The following CDH23 variants were observed in gnomAD, a reference collection of about 807,000 sequenced individuals.
The protein encoded by CDH23 is cadherin-23.
CDH23 carries 189 observed loss-of-function variants against 317.1 expected under a neutral mutation model. That is an observed-to-expected ratio of 0.60 (90% CI 0.53 to 0.67). The LOEUF (loss-of-function observed/expected upper bound fraction) is 0.67. Among genes scored for constraint, CDH23 ranks in the 30% least tolerant of loss-of-function variants. The pLI, the probability that CDH23 is intolerant of heterozygous loss-of-function variation, is 0.00. For synonymous variants in CDH23, 1,839 were observed against 1,876.8 expected (o/e 0.98, Z 0.52); for missense variants, 4,401 against 4,592.4 (o/e 0.96, Z 1.20).
chr10:71,628,251 C>T (rs981878479), intron 11 of CDH23, among the ~76,000 whole-genome samples: 2 of 152,248 alleles, frequency 1.3e-5, no homozygotes, highest in African/African-American at 2.4e-5. Flanking sequence ...CAGAAGCCTC[C>T]TTCCCAGCCC....
chr10:71,453,650 G>A (rs963239810), intron 3 of CDH23, among the ~76,000 whole-genome samples: 4 of 152,234 alleles, frequency 2.6e-5, no homozygotes, highest in African/African-American at 9.6e-5. Flanking sequence ...AAGAGGAGAA[G>A]CATCTCTTGG....
chr10:71,715,988 C>G (rs765946262), intron 28 of CDH23: 2 of 1,493,846 alleles, frequency 1.3e-6, no homozygotes, highest in Admixed American at 4.9e-5. Context: ...GTCCTCGGGG[C>G]CCGGCAGGGG....
intron 6 of CDH23, among the ~76,000 whole-genome samples, chr10:71,540,657 T>A (rs1231760206): frequency 6.6e-6 from 1 of 151,762 alleles, no homozygotes; most frequent in Non-Finnish European, 1.5e-5. Flanking sequence ...CAGGAAGGAG[T>A]CTCCACCTAC....
At chr10:71,526,419 T>C (rs1368483915) in intron 6 of CDH23, among the ~76,000 whole-genome samples, 1 of 152,214 alleles carries the variant, frequency 6.6e-6, no homozygotes, top group Non-Finnish European at 1.5e-5. Context: ...ATCTGTCTGC[T>C]TCTCTATTTC....
Position 71,807,959 on chromosome 10 carries a change from C to A in CDH23, c.8674C>A (p.Arg2892=). Residue 2892 remains arginine, a synonymous_variant, in exon 60 of 70, where the codon CGG becomes AGG. Transcript: ENST00000224721. ...FYSILAIHYF[R]ALANDSEDVG... ...CAGCATTCTGGCCATCCACTACTTC[C>A]GGGCCCTTGCCAACGACTCTGAAGA... is the stretch of plus-strand genomic sequence containing the variant. 1 of 1,600,226 alleles carries A rather than the reference C, an allele frequency of 6.2e-7. No individual in the cohort carries two copies. Among genetic ancestry groups the A allele is most frequent in the South Asian group, 1.1e-5 (1 of 88,558 alleles).
intron 69 of CDH23, 36 bp from the exon 70 acceptor site, chr10:71,814,916 T>A: frequency 1.9e-6 from 3 of 1,565,564 alleles, no homozygotes; most frequent in African/African-American, 1.3e-5. Context: ...CCCTTGGGCA[T>A]GGCCCTGAGC....
At chr10:71,727,231 G>A (rs1480692284) in intron 30 of CDH23, among the ~76,000 whole-genome samples, 1 of 152,214 alleles carries the variant, frequency 6.6e-6, no homozygotes, top group Non-Finnish European at 1.5e-5. Flanking sequence ...GGGTCACACA[G>A]CGGTAAGGGT....
At chr10:71,478,486 T>G (rs1851905057) in intron 3 of CDH23, among the ~76,000 whole-genome samples, 1 of 152,228 alleles carries the variant, frequency 6.6e-6, no homozygotes, top group African/African-American at 2.4e-5. Context: ...CACAGGGAGT[T>G]GTCCCCCTCG....
intron 9 of CDH23, among the ~76,000 whole-genome samples, chr10:71,613,844 G>T (rs1375998325): frequency 6.6e-6 from 1 of 152,168 alleles, no homozygotes; most frequent in Non-Finnish European, 1.5e-5. Flanking sequence ...CGTGGAATCG[G>T]TGTCCATCCA....
intron 35 of CDH23, among the ~76,000 whole-genome samples, chr10:71,739,164 G>A (rs1489328263): frequency 6.6e-6 from 1 of 152,230 alleles, no homozygotes; most frequent in Non-Finnish European, 1.5e-5. Flanking sequence ...TGGCTTTGGA[G>A]ACAAAAGTGT....
At chr10:71,639,019 A>G (rs898170451) in intron 11 of CDH23, among the ~76,000 whole-genome samples, 1 of 152,192 alleles carries the variant, frequency 6.6e-6, no homozygotes, top group Non-Finnish European at 1.5e-5. Flanking sequence ...AGGGACCGGC[A>G]GGGAGCCAGG....
At chr10:71,715,604 G>T (rs532779430) in intron 28 of CDH23, 6 of 232,038 alleles carry the variant, frequency 2.6e-5, no homozygotes, top group African/African-American at 4.5e-5. Flanking sequence ...TGTGGCGAGC[G>T]AGGGTGCTGC....
intron 3 of CDH23, among the ~76,000 whole-genome samples, chr10:71,488,514 G>C (rs1852476691): frequency 6.6e-6 from 1 of 152,182 alleles, no homozygotes; most frequent in African/African-American, 2.4e-5. Context: ...CAAACCGATA[G>C]TATACCCATG....
chr10:71,529,194 C>T (rs963257209), intron 6 of CDH23, among the ~76,000 whole-genome samples: 1 of 152,192 alleles, frequency 6.6e-6, no homozygotes, highest in South Asian at 2.1e-4. Flanking sequence ...AGCTCCCAGG[C>T]GATGCCAGTG....
intron 6 of CDH23, among the ~76,000 whole-genome samples, chr10:71,561,062 C>G (rs970701861): frequency 6.6e-6 from 1 of 150,852 alleles, no homozygotes; most frequent in Non-Finnish European, 1.5e-5. Context: ...TCTCTCCTAT[C>G]TTCCTTTCTC....
At chr10:71,688,611 C>G (rs796826996) in intron 19 of CDH23, among the ~76,000 whole-genome samples, 1 of 91,056 alleles carries the variant, frequency 1.1e-5, no homozygotes, top group Non-Finnish European at 2.4e-5. Flanking sequence ...GGTGGTGGAG[C>G]CAGGGGTGGT....
chr10:71,591,480 C>A (rs938193132), intron 9 of CDH23, among the ~76,000 whole-genome samples: 1 of 152,130 alleles, frequency 6.6e-6, no homozygotes, highest in Non-Finnish European at 1.5e-5. Context: ...CAAGCTGATG[C>A]AGCTAACCAT....
chr10:71,657,230 G>A (rs1053776961), intron 14 of CDH23, among the ~76,000 whole-genome samples: 1 of 152,254 alleles, frequency 6.6e-6, no homozygotes, highest in Non-Finnish European at 1.5e-5. Flanking sequence ...CTTCCTGCCT[G>A]CAGGTTGGCC....
At chr10:71,648,315 G>T (rs1021754917) in intron 14 of CDH23, among the ~76,000 whole-genome samples, 1 of 152,206 alleles carries the variant, frequency 6.6e-6, no homozygotes, top group African/African-American at 2.4e-5. Flanking sequence ...CCCAAAGTGT[G>T]TGTCTTTACC....
Sources: gnomAD v4.1 joint callset for allele counts (sites outside exome capture counted in the v4.1 genomes callset) on GRCh38, gnomAD v4.1.1 for gene constraint, MANE v1.5 for transcripts, NCBI Gene and HGNC (gene_info 2026-07-23, HGNC 2026-07-21) for gene names.